Variants in SHCBP1L observed in about 807,000 individuals in gnomAD.
SHCBP1L encodes SHC binding and spindle associated 1 like, also known as testicular spindle-associated protein SHCBP1L.
SHCBP1L carries 67 observed loss-of-function variants against 62.5 expected under a neutral mutation model. That is an observed-to-expected ratio of 1.07 (90% CI 0.88 to 1.31). SHCBP1L has a LOEUF of 1.31. SHCBP1L is among the 40% of genes most tolerant of loss of function. SHCBP1L has a pLI of 0.00. For missense variants in SHCBP1L, 823 were observed against 809.8 expected (o/e 1.02, Z -0.20); for synonymous variants, 284 against 289.4 (o/e 0.98, Z 0.19).
intron 5 of SHCBP1L, among the ~76,000 whole-genome samples, chr1:182,930,547 GTGTGTATATATATATA>G (rs1272901338): frequency 0.051 from 4,709 of 92,782 alleles, 274 homozygotes; most frequent in African/African-American, 0.097. Context: ...GCTTTAGTGT[GTGTGTATATATATATA>G]TATATATATA....
intron 6 of SHCBP1L, among the ~76,000 whole-genome samples, chr1:182,907,876 G>A (rs1650065666): frequency 6.6e-6 from 1 of 152,150 alleles, no homozygotes; most frequent in Non-Finnish European, 1.5e-5. Flanking sequence ...ACTGCACCCA[G>A]CCTTTTTTTA....
chr1:182,944,497 C>CA lies in SHCBP1L; in HGVS notation c.556-3955dup, dbSNP rs1278947017. On this transcript the variant is annotated intron_variant, in intron 2 of 9. Coordinates refer to ENST00000367547, the MANE Select transcript of SHCBP1L (RefSeq NM_030933.4). Reference sequence around the variant, plus strand: ...GAGTGGTATGGCCGTAGATGATACTCAGTCTCAAAAAAAAAAAAAAGAAAG... The same window carrying CA: ...GAGTGGTATGGCCGTAGATGATACTCAAGTCTCAAAAAAAAAAAAAAGAAAG... The CA allele has an allele frequency of 1.1e-4, 16 of 146,592 alleles. No individual in the cohort carries two copies. The East Asian group carries it at 3.1e-3, about 29-fold the overall frequency. The allele number at this position is 146,592 out of a possible 1,614,324, so 9.1% of individuals were successfully genotyped here. A position where few individuals can be genotyped will look rare whatever the true frequency, so the allele number is the denominator to read the frequency against.
intron 6 of SHCBP1L, among the ~76,000 whole-genome samples, chr1:182,924,974 GAA>G (rs772984933): frequency 8.2e-5 from 9 of 109,550 alleles, no homozygotes; most frequent in African/African-American, 1.9e-4. Context: ...AAGAAAGAAA[GAA>G]AAAAAAAGGA....
chr1:182,903,095 T>C lies in SHCBP1L; in HGVS notation c.1654A>G (p.Asn552Asp). 1 of 1,601,772 alleles carries C rather than the reference T, an allele frequency of 6.2e-7. No homozygotes were observed. The highest frequency in any genetic ancestry group is 8.5e-7 in the Non-Finnish European group (1 of 1,173,640). ...GAACTGTTACTGGTTCTGAGGTTAT[T>C]ACAGTGATGAATTTCATTTCTTTCC... ...ILERNEIHHC[N>D]NLRTSNSSKS... is the part of the protein sequence containing the mutation. The change falls in exon 9 of 10, where the codon AAT becomes GAT. Residue 552 changes from asparagine to aspartate, a missense_variant. Coordinates refer to ENST00000367547, the MANE Select transcript of SHCBP1L (RefSeq NM_030933.4).
At chr1:182,929,050 A>C (rs541193988) in intron 6 of SHCBP1L, among the ~76,000 whole-genome samples, 48 of 152,328 alleles carry the variant, frequency 3.2e-4, no homozygotes, top group African/African-American at 1.2e-3. Context: ...GAAAGAGATT[A>C]TTTCAATGAG....
At chr1:182,945,713 C>T (rs1470530209) in intron 2 of SHCBP1L, among the ~76,000 whole-genome samples, 2 of 152,076 alleles carry the variant, frequency 1.3e-5, no homozygotes, top group Non-Finnish European at 2.9e-5. Context: ...TATCACTTTC[C>T]CTAAAATTTT....
At position 182,905,502 on chromosome 1, in the gene SHCBP1L, T is replaced by C. The variant is rs996257272; in HGVS notation, c.1330A>G (p.Ile444Val). 2 of 1,613,696 alleles carry C rather than the reference T, an allele frequency of 1.2e-6. No individual in the cohort carries two copies. Among genetic ancestry groups the C allele is most frequent in the African/African-American group, 1.3e-5 (1 of 75,044 alleles). ...NLALLTDDII[I>V]KGVGKREEIM... ...CAAAGGATGCCCTGCTAACCCTTTA[T>C]AATGATGTCATCTGTCAACAAAGCA... Residue 444 changes from isoleucine (I) to valine (V), a missense_variant, in exon 7 of 10, where the codon ATA (isoleucine) becomes GTA (valine). Transcript: ENST00000367547.
chr1:182,930,105 G>A (rs941830671), intron 5 of SHCBP1L, among the ~76,000 whole-genome samples: 1 of 152,074 alleles, frequency 6.6e-6, no homozygotes, highest in African/African-American at 2.4e-5. Flanking sequence ...CACAAAGATG[G>A]GTTATGCCTG....
chr1:182,943,504 C>T (rs544787929), intron 2 of SHCBP1L, among the ~76,000 whole-genome samples: 23 of 150,110 alleles, frequency 1.5e-4, no homozygotes, highest in African/African-American at 2.5e-4. Flanking sequence ...TGGAGTGCAG[C>T]GGTGCAATCT....
chr1:182,921,455 C>T (rs1354389817), intron 6 of SHCBP1L, among the ~76,000 whole-genome samples: 1 of 152,184 alleles, frequency 6.6e-6, no homozygotes, highest in East Asian at 1.9e-4. Context: ...GTCTGCATAA[C>T]AACGAGCTAA....
At chr1:182,950,944 TC>T (rs1296215160) in intron 2 of SHCBP1L, among the ~76,000 whole-genome samples, 1 of 151,966 alleles carries the variant, frequency 6.6e-6, no homozygotes, top group Non-Finnish European at 1.5e-5. Context: ...TCTTTTTTTT[TC>T]CTCATCTGAA....
rs1651327723 is a variant in SHCBP1L, at chr1:182,940,563, A to G, written c.556-20T>C. The G allele has an allele frequency of 1.3e-6, 2 of 1,594,496 alleles. No homozygotes were observed. Among genetic ancestry groups the G allele is most frequent in the Middle Eastern group, 1.7e-4 (1 of 5,994 alleles). ...AGTTACCTAAGATAAATATCATAAGAGATAAGAGATATAGTTATAAATATC... is the reference window on the plus strand; with the variant it reads ...AGTTACCTAAGATAAATATCATAAGGGATAAGAGATATAGTTATAAATATC... On this transcript the variant is annotated intron_variant, in intron 2 of 9. Coordinates refer to ENST00000367547, the MANE Select transcript of SHCBP1L (RefSeq NM_030933.4).
At chr1:182,927,115 C>G (rs1479533187) in intron 6 of SHCBP1L, among the ~76,000 whole-genome samples, 2 of 104,262 alleles carry the variant, frequency 1.9e-5, no homozygotes, top group African/African-American at 7.6e-5. Flanking sequence ...TATATATATA[C>G]TCTCTCTCTC....
chr1:182,931,596 C>G (rs1650996660), intron 5 of SHCBP1L, among the ~76,000 whole-genome samples: 1 of 152,042 alleles, frequency 6.6e-6, no homozygotes, highest in Non-Finnish European at 1.5e-5. Context: ...TCAAATTTTT[C>G]TTAATAGGCT....
intron 6 of SHCBP1L, among the ~76,000 whole-genome samples, chr1:182,909,915 A>G (rs185028770): frequency 6.6e-6 from 1 of 152,344 alleles, no homozygotes; most frequent in Admixed American, 6.5e-5. Flanking sequence ...CACAGTGAGT[A>G]GAGGAATAAA....
chr1:182,926,745 T>A (rs1225477464), intron 6 of SHCBP1L, among the ~76,000 whole-genome samples: 1 of 152,108 alleles, frequency 6.6e-6, no homozygotes, highest in East Asian at 1.9e-4. Flanking sequence ...GGAATACCAC[T>A]GTTTCTCCTA....
intron 2 of SHCBP1L, among the ~76,000 whole-genome samples, chr1:182,943,275 ATTT>A (rs767553592): frequency 2.5e-5 from 2 of 79,094 alleles, no homozygotes; most frequent in Non-Finnish European, 2.5e-5. Context: ...ACCATTCTTG[ATTT>A]TTTTTTTTTT....
At position 182,907,358 on chromosome 1, in the gene SHCBP1L, G is replaced by A. The variant is rs575960621; in HGVS notation, c.1183-1709C>T. Among the ~76,000 whole-genome samples, 5 of 150,288 alleles carry A rather than the reference G, an allele frequency of 3.3e-5. No individual in the cohort carries two copies. The East Asian group carries it at 6.1e-4, about 18-fold the overall frequency. On this transcript the variant is annotated intron_variant, in intron 6 of 9. Transcript: ENST00000367547. ...GGAGGCAGGAGAATCGCTTGAACCC[G>A]GGAGGCAGAGTTTGCAGTAAGCGGA...
chr1:182,906,760 T>C lies in SHCBP1L; in HGVS notation c.1183-1111A>G, dbSNP rs538526750. The stretch of plus-strand genomic sequence containing the variant: ...TATACTTATCAAAGATTCTAAAATA[T>C]GCATTGGGAGTAGAAAAGAGGAGAT... On this transcript the variant is annotated intron_variant, in intron 6 of 9. Transcript: ENST00000367547. Among the ~76,000 whole-genome samples the C allele has an allele frequency of 2.2e-4, 34 of 152,236 alleles. 1 individual carries two copies. In the South Asian group the frequency reaches 7.1e-3, roughly 32 times the overall value.
Sources: allele counts gnomAD v4.1 joint callset (sites outside exome capture counted in the v4.1 genomes callset), GRCh38; gene constraint gnomAD v4.1.1; transcripts MANE v1.5; gene names NCBI Gene and HGNC (gene_info 2026-07-23, HGNC 2026-07-21).